The following ZNF667 variants were observed in gnomAD, a reference collection of about 807,000 sequenced individuals.
ZNF667 encodes zinc finger protein 667, also known as myocardial ischemic preconditioning upregulated 1 ortholog.
Under a neutral mutation model 31.8 loss-of-function variants are expected in ZNF667, and 13 were observed. That is an observed-to-expected ratio of 0.41 (90% CI 0.27 to 0.65). ZNF667 has a LOEUF of 0.65. Ranked by LOEUF, ZNF667 falls within the 30% of genes least tolerant of loss-of-function variation. The pLI, the probability that ZNF667 is intolerant of heterozygous loss-of-function variation, is 0.32. For missense variants in ZNF667, 642 were observed against 725.6 expected (o/e 0.88, Z 1.32); for synonymous variants, 228 against 247.1 (o/e 0.92, Z 0.73).
intron 3 of ZNF667, among the ~76,000 whole-genome samples, chr19:56,465,629 C>T (rs534245387): frequency 6.6e-5 from 10 of 152,350 alleles, no homozygotes; most frequent in Admixed American, 2.0e-4. Flanking sequence ...ACTTGCCCAA[C>T]GTCATAAGGT....
chr19:56,441,436 ATTCT>A lies in ZNF667; in HGVS notation c.1555_1558del (p.Arg519PhefsTer79), dbSNP rs1260203089. The stretch of plus-strand genomic sequence containing the variant: ...TGTATATGGCTTCTCTCCAGTGTGA[ATTCT>A]TTCATGTTGGGCGAGGTGTGCACTC... On this transcript the variant is annotated frameshift_variant, in exon 7 of 7. Transcript: ENST00000504904. LOFTEE classifies it high-confidence loss of function. The surrounding 1 kb of genome is among the most constrained non-coding windows in gnomAD (Gnocchi z 4.2). 1 of 1,614,022 alleles carries A rather than the reference ATTCT, an allele frequency of 6.2e-7. No individual in the cohort carries two copies. The highest frequency in any genetic ancestry group is 8.5e-7 in the Non-Finnish European group (1 of 1,180,038).
chr19:56,460,941 G>C (rs976086346), intron 4 of ZNF667, 126 bp from the exon 5 acceptor site: 16 of 883,888 alleles, frequency 1.8e-5, no homozygotes, highest in Non-Finnish European at 2.2e-5. Context: ...AGCATTCAGG[G>C]TTCTGAGGCC....
intron 5 of ZNF667, among the ~76,000 whole-genome samples, 191 bp from the exon 6 acceptor site, chr19:56,458,438 C>G (rs574891103): frequency 6.6e-6 from 1 of 152,276 alleles, no homozygotes; most frequent in African/African-American, 2.4e-5. Flanking sequence ...ATCCCTGTTT[C>G]CGGCACACAG....
chr19:56,447,229 T>G (rs1021225688), intron 6 of ZNF667, among the ~76,000 whole-genome samples: 3 of 152,090 alleles, frequency 2.0e-5, no homozygotes, highest in African/African-American at 7.2e-5. Context: ...GGGGAAATAT[T>G]TGAAGTCAAA....
At chr19:56,451,216 T>A (rs1568842540) in intron 6 of ZNF667, among the ~76,000 whole-genome samples, 1 of 151,378 alleles carries the variant, frequency 6.6e-6, no homozygotes, top group Non-Finnish European at 1.5e-5. Flanking sequence ...ACAAAAAGTA[T>A]GGAAAGATAC....
At chr19:56,474,753 T>C (rs936929358) in intron 1 of ZNF667, 1 of 152,240 alleles carries the variant, frequency 6.6e-6, no homozygotes, top group Non-Finnish European at 1.5e-5. Context: ...TTCTAATAAA[T>C]AGTCACAGCT....
intron 6 of ZNF667, among the ~76,000 whole-genome samples, chr19:56,453,011 A>G (rs906854400): frequency 2.6e-5 from 4 of 152,184 alleles, no homozygotes; most frequent in African/African-American, 9.7e-5. Context: ...TTAAGAAAAA[A>G]AGAGATAAGA....
chr19:56,461,657 T>G (rs2043047680), intron 4 of ZNF667, among the ~76,000 whole-genome samples: 1 of 152,198 alleles, frequency 6.6e-6, no homozygotes, highest in Admixed American at 6.5e-5. Context: ...TTGCAGCTAA[T>G]CTGTTACAGC....
chr19:56,454,433 T>C (rs1411289401), intron 6 of ZNF667, among the ~76,000 whole-genome samples: 1 of 152,002 alleles, frequency 6.6e-6, no homozygotes, highest in Non-Finnish European at 1.5e-5. Context: ...CAAATTATAC[T>C]ACAGAGCTAT....
chr19:56,476,736 C>G (rs530407880), intron 1 of ZNF667, among the ~76,000 whole-genome samples: 14 of 152,256 alleles, frequency 9.2e-5, no homozygotes, highest in Non-Finnish European at 1.3e-4. Flanking sequence ...AGATATACAC[C>G]AGAAAGGCAC....
At position 56,442,767 on chromosome 19, in the gene ZNF667, T is replaced by C. The variant is rs201779202; in HGVS notation, c.254-26A>G. On this transcript the variant is annotated intron_variant, in intron 6 of 6. Transcript: ENST00000504904. ...CTGAAAGACATAAAGGAATTAAATG[T>C]TTCTCCTTTTCCATGCTGAAAAAAT... is the stretch of plus-strand genomic sequence containing the variant. The C allele has an allele frequency of 3.1e-5, 46 of 1,498,278 alleles. No homozygotes were observed. The East Asian group carries it at 8.2e-4, about 27-fold the overall frequency. The allele number at this position is 1,498,278 out of a possible 1,614,324, so 92.8% of individuals were successfully genotyped here.
Position 56,452,867 on chromosome 19 carries a change from C to T in ZNF667, c.253+5288G>A, listed in dbSNP as rs368471618. ...CATGGCAGTGGAGGTTGCAGTGAGC[C>T]GAGATTGTGCCACTGCACTCCAGCC... On this transcript the variant is annotated intron_variant, in intron 6 of 6. Transcript: ENST00000504904. Among the ~76,000 whole-genome samples, 18 of 150,578 alleles carry T rather than the reference C, an allele frequency of 1.2e-4. No individual in the cohort carries two copies. The East Asian group carries it at 1.6e-3, about 13-fold the overall frequency.
Position 56,441,486 on chromosome 19 carries a change from C to T in ZNF667, c.1509G>A (p.Gln503=), listed in dbSNP as rs2042600167. The T allele has an allele frequency of 1.9e-6, 3 of 1,614,090 alleles. No homozygotes were observed. Among genetic ancestry groups the T allele is most frequent in the Middle Eastern group, 1.6e-4 (1 of 6,062 alleles). The change falls in exon 7 of 7, where the codon CAG becomes CAA. Residue 503 remains glutamine (Q), a synonymous_variant. Coordinates refer to ENST00000504904, the MANE Select transcript of ZNF667 (RefSeq NM_001321356.2). This position sits in a 1 kb window ranked among gnomAD's most constrained non-coding sequence, Gnocchi z 4.2. ...HTEDRPYECD[Q]CGKAFSQSAH... The stretch of plus-strand genomic sequence containing the variant: ...CACTCTGGCTGAAGGCCTTCCCACA[C>T]TGATCACATTCATAGGGTCTATCTT...
intron 6 of ZNF667, among the ~76,000 whole-genome samples, chr19:56,448,602 C>T (rs911013612): frequency 6.6e-6 from 1 of 150,450 alleles, no homozygotes; most frequent in East Asian, 2.0e-4. Context: ...GTAAAGAGGA[C>T]GTTGTCTTGC....
intron 3 of ZNF667, 58 bp from the exon 4 acceptor site, chr19:56,462,487 C>G: frequency 9.6e-7 from 1 of 1,040,068 alleles, no homozygotes; most frequent in Non-Finnish European, 1.5e-6. Flanking sequence ...CCTACCTAAC[C>G]TGGAGACACA....
intron 6 of ZNF667, among the ~76,000 whole-genome samples, chr19:56,453,899 ATTC>A (rs1407234575): frequency 1.3e-5 from 2 of 152,250 alleles, no homozygotes; most frequent in Admixed American, 6.5e-5. Flanking sequence ...AAGACGTCAA[ATTC>A]TTCTTCTTTG....
At chr19:56,477,835 A>C (rs2043451246), upstream of ZNF667, 2 of 152,254 alleles carry the variant, frequency 1.3e-5, no homozygotes, top group South Asian at 4.1e-4. Context: ...GACACCGCCC[A>C]CCCGCGCGTG....
chr19:56,459,525 G>A (rs1156410550), intron 5 of ZNF667, among the ~76,000 whole-genome samples: 1 of 152,188 alleles, frequency 6.6e-6, no homozygotes, highest in East Asian at 1.9e-4. Flanking sequence ...TCCTTCAGAA[G>A]TTCTGAGTCC....
At chr19:56,458,308 A>T in intron 5 of ZNF667, 61 bp from the exon 6 acceptor site, 1 of 1,437,052 alleles carries the variant, frequency 7.0e-7, no homozygotes, top group Non-Finnish European at 9.8e-7. Flanking sequence ...AGTCAGAGCC[A>T]CGCTCTGCAT....
Sources: allele counts gnomAD v4.1 joint callset (sites outside exome capture counted in the v4.1 genomes callset), GRCh38; gene constraint gnomAD v4.1.1; non-coding constraint Gnocchi (gnomAD v3.1); transcripts MANE v1.5; gene names NCBI Gene and HGNC (gene_info 2026-07-23, HGNC 2026-07-21).